Variants in CNTNAP2 observed in about 807,000 individuals in gnomAD.
CNTNAP2 encodes the protein contactin associated protein 2, also known as contactin-associated protein-like 2.
In CNTNAP2, 98 loss-of-function variants were observed where a neutral mutation model predicts 155.2. The ratio of observed to expected loss-of-function variants is 0.63; its 90% confidence interval spans 0.54 to 0.75. The LOEUF is 0.75. Ranked by LOEUF, CNTNAP2 falls within the 30% of genes least tolerant of loss-of-function variation. The pLI is 0.00. For missense variants in CNTNAP2, 1,727 were observed against 1,688.1 expected (o/e 1.02, Z -0.40); for synonymous variants, 651 against 631.2 (o/e 1.03, Z -0.47).
At chr7:147,189,235 A>G (rs1802630475) in intron 8 of CNTNAP2, among the ~76,000 whole-genome samples, 1 of 152,216 alleles carries the variant, frequency 6.6e-6, no homozygotes, top group African/African-American at 2.4e-5. Context: ...TATACATAGT[A>G]TTTTATTTTG....
chr7:146,635,602 C>T (rs993548215), intron 1 of CNTNAP2, among the ~76,000 whole-genome samples: 2 of 152,146 alleles, frequency 1.3e-5, no homozygotes, highest in African/African-American at 4.8e-5. Context: ...GGGTGTATTA[C>T]AAGGACCTCT....
At chr7:148,042,206 T>C (rs980254034) in intron 15 of CNTNAP2, among the ~76,000 whole-genome samples, 1 of 152,262 alleles carries the variant, frequency 6.6e-6, no homozygotes, top group Non-Finnish European at 1.5e-5. Flanking sequence ...GTGACTCCAC[T>C]TCAGTCAAGT....
chr7:147,315,091 G>T (rs1451182237), intron 9 of CNTNAP2, among the ~76,000 whole-genome samples: 1 of 120,684 alleles, frequency 8.3e-6, no homozygotes, highest in Non-Finnish European at 1.7e-5. Context: ...ATGTCCTTAA[G>T]AACCTTCTAG....
intron 1 of CNTNAP2, among the ~76,000 whole-genome samples, chr7:146,409,934 G>T (rs1428851993): frequency 1.3e-5 from 2 of 152,108 alleles, no homozygotes; most frequent in Non-Finnish European, 2.9e-5. Flanking sequence ...GACTTTCAAG[G>T]TCCTTCTGAC....
At chr7:146,260,313 C>G (rs1491001485) in intron 1 of CNTNAP2, among the ~76,000 whole-genome samples, 1 of 152,236 alleles carries the variant, frequency 6.6e-6, no homozygotes, top group Non-Finnish European at 1.5e-5. Flanking sequence ...AGCCTGAACA[C>G]AGAGTCCCCA....
At chr7:147,739,586 A>G (rs967533415) in intron 13 of CNTNAP2, among the ~76,000 whole-genome samples, 2 of 151,896 alleles carry the variant, frequency 1.3e-5, no homozygotes, top group African/African-American at 4.8e-5. Context: ...ACACACATAT[A>G]CCCCCATTAT....
At chr7:146,483,329 A>G (rs1467511919) in intron 1 of CNTNAP2, among the ~76,000 whole-genome samples, 1,147 of 84,520 alleles carry the variant, frequency 0.014, 26 homozygotes, top group Non-Finnish European at 0.022. Flanking sequence ...ATATATATAT[A>G]CATATATATA....
intron 14 of CNTNAP2, among the ~76,000 whole-genome samples, chr7:147,961,561 T>C (rs1422498221): frequency 6.6e-6 from 1 of 152,200 alleles, no homozygotes; most frequent in Non-Finnish European, 1.5e-5. Context: ...TACAGTTTTC[T>C]ACAGTTTTCC....
intron 1 of CNTNAP2, among the ~76,000 whole-genome samples, chr7:146,736,666 C>T (rs1157271590): frequency 2.0e-5 from 3 of 152,062 alleles, no homozygotes; most frequent in Admixed American, 1.3e-4. Flanking sequence ...GCACTGCCTC[C>T]CAGGAAATAC....
intron 22 of CNTNAP2, among the ~76,000 whole-genome samples, chr7:148,398,037 C>T (rs1331128305): frequency 1.3e-5 from 2 of 152,196 alleles, no homozygotes; most frequent in Non-Finnish European, 2.9e-5. Flanking sequence ...TTCCCTTGTG[C>T]TAATGCAACC....
chr7:146,730,314 C>T (rs775212225), intron 1 of CNTNAP2, among the ~76,000 whole-genome samples: 57 of 152,226 alleles, frequency 3.7e-4, no homozygotes, highest in South Asian at 8.3e-4. Flanking sequence ...CATTAACTTT[C>T]ATTGTCATTT....
At chr7:148,296,545 C>CAGAAAAAAAA (rs1797289591) in intron 21 of CNTNAP2, among the ~76,000 whole-genome samples, 1 of 76,608 alleles carries the variant, frequency 1.3e-5, no homozygotes, top group South Asian at 7.1e-4. Flanking sequence ...GACTCTGTCT[C>CAGAAAAAAAA]AAAAAAAAAA....
intron 8 of CNTNAP2, among the ~76,000 whole-genome samples, chr7:147,247,293 TA>T (rs957881363): frequency 3.9e-5 from 6 of 152,204 alleles, no homozygotes; most frequent in Admixed American, 3.9e-4. Flanking sequence ...GCAGGTCTGC[TA>T]AACAACAGAA....
intron 12 of CNTNAP2, among the ~76,000 whole-genome samples, chr7:147,585,004 C>T (rs779659303): frequency 6.6e-6 from 1 of 152,128 alleles, no homozygotes; most frequent in Non-Finnish European, 1.5e-5. Flanking sequence ...TTCCTAGGAC[C>T]TCCTGGGTCT....
intron 2 of CNTNAP2, among the ~76,000 whole-genome samples, chr7:146,815,640 T>A (rs1803151734): frequency 6.6e-6 from 1 of 152,234 alleles, no homozygotes; most frequent in Admixed American, 6.5e-5. Flanking sequence ...ATTCACAAAT[T>A]GAGTACTTAG....
chr7:146,161,921 C>T (rs1457136774), intron 1 of CNTNAP2, among the ~76,000 whole-genome samples: 4 of 152,270 alleles, frequency 2.6e-5, no homozygotes, highest in Middle Eastern at 3.4e-3. Flanking sequence ...AAAGGATTCC[C>T]TATTTAATAA....
intron 18 of CNTNAP2, among the ~76,000 whole-genome samples, chr7:148,194,357 A>G (rs1795242798): frequency 6.6e-6 from 1 of 151,992 alleles, no homozygotes; most frequent in Non-Finnish European, 1.5e-5. Context: ...GTATAAAAGC[A>G]TTTGCCATTT....
intron 15 of CNTNAP2, among the ~76,000 whole-genome samples, chr7:148,065,117 G>A (rs1258640285): frequency 6.6e-6 from 1 of 152,092 alleles, no homozygotes; most frequent in Non-Finnish European, 1.5e-5. Context: ...TCCTTTTCAA[G>A]TTGATTTCCA....
intron 21 of CNTNAP2, among the ~76,000 whole-genome samples, chr7:148,285,823 G>A (rs1797071298): frequency 6.6e-6 from 1 of 152,156 alleles, no homozygotes; most frequent in Non-Finnish European, 1.5e-5. Context: ...TTGAACAACA[G>A]GAGAATTAGG....
Sources: gnomAD v4.1 joint callset for allele counts (sites outside exome capture counted in the v4.1 genomes callset) on GRCh38, gnomAD v4.1.1 for gene constraint, MANE v1.5 for transcripts, NCBI Gene and HGNC (gene_info 2026-07-23, HGNC 2026-07-21) for gene names.